TRAPPC9: variants seen among roughly 807,000 people sequenced by gnomAD.
The protein encoded by TRAPPC9 is IKK2 binding protein.
TRAPPC9 carries 83 observed loss-of-function variants against 124.0 expected under a neutral mutation model. That is an observed-to-expected ratio of 0.67 (90% CI 0.56 to 0.80). The LOEUF is 0.80. Ranked by LOEUF, TRAPPC9 falls within the 30% of genes least tolerant of loss-of-function variation. The pLI is 0.00. For synonymous variants in TRAPPC9, 638 were observed against 617.5 expected, an observed-to-expected ratio of 1.03 and a Z score of -0.49; for missense variants, 1,302 against 1,508.3, an observed-to-expected ratio of 0.86 and a Z score of 2.27.
At chr8:140,185,282 C>T (rs1388761227) in intron 17 of TRAPPC9, among the ~76,000 whole-genome samples, 2 of 152,192 alleles carry the variant, frequency 1.3e-5, no homozygotes, top group Admixed American at 6.5e-5. Flanking sequence ...GACACACGCA[C>T]GTGGAGTCAG....
intron 16 of TRAPPC9, among the ~76,000 whole-genome samples, chr8:140,242,291 T>TA (rs1380399044): frequency 6.6e-6 from 1 of 152,116 alleles, no homozygotes; most frequent in African/African-American, 2.4e-5. Context: ...GCGAAAGAGT[T>TA]AACTAGGCTC....
In TRAPPC9 at chr8:139,907,500, G is replaced by A. The variant is rs1241311204; in HGVS notation, c.2964+2647C>T. On this transcript the variant is annotated intron_variant, in intron 20 of 22. Transcript: ENST00000438773. This position sits in a 1 kb window ranked among gnomAD's most constrained non-coding sequence, Gnocchi z 4.7. The stretch of plus-strand genomic sequence containing the variant: ...CTGACACCAGATGTCATCAACAGAT[G>A]AGAGTGGGGGGAAGGGAGAGGAGAG... Among the ~76,000 whole-genome samples, 1 of 147,312 alleles carries A rather than the reference G, an allele frequency of 6.8e-6. No individual in the cohort carries two copies. Among genetic ancestry groups the A allele is most frequent in the Non-Finnish European group, 1.5e-5 (1 of 66,944 alleles).
At chr8:139,900,844 C>T (rs1830971498) in intron 20 of TRAPPC9, among the ~76,000 whole-genome samples, 2 of 152,064 alleles carry the variant, frequency 1.3e-5, no homozygotes, top group Admixed American at 6.6e-5. Flanking sequence ...TACCATGACC[C>T]GGTTTGGCAT....
intron 17 of TRAPPC9, among the ~76,000 whole-genome samples, chr8:140,029,507 A>AAAAC (rs370910765): frequency 5.4e-4 from 82 of 152,216 alleles, no homozygotes; most frequent in East Asian, 1.5e-3. Context: ...TCTGTCTCTG[A>AAAAC]AAACAAACAA....
chr8:140,111,576 G>A (rs890879832), intron 17 of TRAPPC9, among the ~76,000 whole-genome samples: 2 of 152,292 alleles, frequency 1.3e-5, no homozygotes, highest in Admixed American at 6.5e-5. Flanking sequence ...AGAGCAAGAC[G>A]CCCAGAGCAG....
chr8:139,966,599 C>T (rs948548543), intron 19 of TRAPPC9, among the ~76,000 whole-genome samples: 1 of 152,174 alleles, frequency 6.6e-6, no homozygotes, highest in Non-Finnish European at 1.5e-5. Context: ...GCAGGTGGCA[C>T]GATGCTTGGC....
In TRAPPC9 at chr8:139,969,802, AG is replaced by A. The variant is rs1835944693; in HGVS notation, c.2810+18923del. ...ATTGTGTCTATCTTGGGGAGTTTCCAGTGGCTAATAGATCTGGAGTTAATGT... is the reference window on the plus strand; with the variant it reads ...ATTGTGTCTATCTTGGGGAGTTTCCATGGCTAATAGATCTGGAGTTAATGT... On this transcript the variant is annotated intron_variant, in intron 19 of 22. Transcript: ENST00000438773. Among the ~76,000 whole-genome samples the A allele has an allele frequency of 2.0e-5, 3 of 152,340 alleles. No individual in the cohort carries two copies. In the South Asian group the frequency reaches 6.2e-4, roughly 32 times the overall value.
chr8:140,201,881 G>A (rs1253674880), intron 17 of TRAPPC9, among the ~76,000 whole-genome samples: 1 of 152,138 alleles, frequency 6.6e-6, no homozygotes, highest in Non-Finnish European at 1.5e-5. Context: ...CAGGCGAGAG[G>A]GAGCGAGAAG....
At chr8:139,760,314 AGACAGCTTGGAGAG>A (rs1820133275) in intron 21 of TRAPPC9, among the ~76,000 whole-genome samples, 1 of 152,132 alleles carries the variant, frequency 6.6e-6, no homozygotes, top group African/African-American at 2.4e-5. Flanking sequence ...GAAAGCAGAC[AGACAGCTTGGAGAG>A]GGCCCACCCT....
intron 9 of TRAPPC9, among the ~76,000 whole-genome samples, chr8:140,320,140 G>A (rs556760174): frequency 2.6e-5 from 4 of 152,142 alleles, no homozygotes; most frequent in South Asian, 2.1e-4. Flanking sequence ...TTTCACAATC[G>A]ATTCTGGTAC....
At chr8:139,921,449 G>A (rs1435835023) in intron 19 of TRAPPC9, among the ~76,000 whole-genome samples, 5 of 152,268 alleles carry the variant, frequency 3.3e-5, no homozygotes, top group South Asian at 2.1e-4. Flanking sequence ...ACAGAGAGCC[G>A]GGCTTCATTT....
intron 17 of TRAPPC9, among the ~76,000 whole-genome samples, chr8:140,145,022 G>A (rs150603350): frequency 5.9e-5 from 9 of 151,468 alleles, no homozygotes; most frequent in South Asian, 2.1e-4. Context: ...GATTACAGGC[G>A]TGTGCCGTCA....
At chr8:139,795,803 A>G (rs1823018599) in intron 21 of TRAPPC9, among the ~76,000 whole-genome samples, 1 of 152,168 alleles carries the variant, frequency 6.6e-6, no homozygotes, top group Non-Finnish European at 1.5e-5. Flanking sequence ...TCAGCTGCGC[A>G]CAAGCCAATT....
At chr8:140,407,628 GTC>G (rs545304484) in intron 5 of TRAPPC9, among the ~76,000 whole-genome samples, 3 of 152,124 alleles carry the variant, frequency 2.0e-5, no homozygotes, top group Non-Finnish European at 4.4e-5. Context: ...TTGAAACAGA[GTC>G]TCTCTCTCTG....
chr8:140,058,769 G>GCCTT (rs1160544183), intron 17 of TRAPPC9, among the ~76,000 whole-genome samples: 4 of 152,222 alleles, frequency 2.6e-5, no homozygotes, highest in African/African-American at 9.6e-5. Flanking sequence ...AACAAAGGAT[G>GCCTT]CCTTGTGCAG....
intron 6 of TRAPPC9, 178 bp downstream of exon 6, chr8:140,405,399 G>A (rs1372590163): frequency 1.5e-6 from 1 of 658,488 alleles, no homozygotes; most frequent in Non-Finnish European, 2.5e-6. Context: ...AACCTACACT[G>A]TTTTGAATCA....
At position 140,250,404 on chromosome 8, in the gene TRAPPC9, G is replaced by A. The variant is rs78481313; in HGVS notation, c.2431+2373C>T. ...TAACTTCAGTAACCATAATTAATGC[G>A]AGTCCATGCCTGAGAATCAAATTGG... On this transcript the variant is annotated intron_variant, in intron 16 of 22. Coordinates refer to ENST00000438773, the MANE Select transcript of TRAPPC9 (RefSeq NM_001160372.4). Among the ~76,000 whole-genome samples, 859 of 152,080 alleles carry A rather than the reference G, an allele frequency of 5.6e-3. 9 individuals carry two copies. Among genetic ancestry groups the A allele is most frequent in the African/African-American group, 0.02 (819 of 41,470 alleles).
chr8:139,862,387 A>G (rs528872799), intron 21 of TRAPPC9, among the ~76,000 whole-genome samples: 1 of 152,338 alleles, frequency 6.6e-6, no homozygotes, highest in South Asian at 2.1e-4. Flanking sequence ...GTGTTCTTCC[A>G]GCTGTTGGGC....
intron 21 of TRAPPC9, among the ~76,000 whole-genome samples, chr8:139,737,465 C>A (rs866194986): frequency 9.6e-6 from 1 of 104,610 alleles, no homozygotes; most frequent in African/African-American, 3.8e-5. Flanking sequence ...GTCATCAGCC[C>A]TCCCCCCCCC....
Sources: gnomAD v4.1 joint callset for allele counts (sites outside exome capture counted in the v4.1 genomes callset) on GRCh38, gnomAD v4.1.1 for gene constraint, Gnocchi (gnomAD v3.1) non-coding constraint, MANE v1.5 for transcripts, NCBI Gene and HGNC (gene_info 2026-07-23, HGNC 2026-07-21) for gene names.